Variants in NRG3 observed in about 807,000 individuals in gnomAD.
The protein encoded by NRG3 is pro-neuregulin-3, membrane-bound isoform.
In NRG3, 31 loss-of-function variants were observed where a neutral mutation model predicts 66.9. The observed-to-expected ratio is 0.46, with a 90% CI of 0.35 to 0.63. The LOEUF (loss-of-function observed/expected upper bound fraction) is 0.63. NRG3 is among the 20% of genes least tolerant of loss of function. NRG3 has a pLI of 0.00. For missense variants in NRG3, 910 were observed against 878.9 expected (o/e 1.04, Z -0.45); for synonymous variants, 393 against 359.4 (o/e 1.09, Z -1.06).
intron 7 of NRG3, among the ~76,000 whole-genome samples, chr10:82,975,085 T>C (rs913868786): frequency 6.6e-6 from 1 of 152,256 alleles, no homozygotes; most frequent in African/African-American, 2.4e-5. Flanking sequence ...GCTTTAGCTA[T>C]TCTTACTGCA....
Position 82,346,062 on chromosome 10 carries a change from C to T in NRG3, c.824-12677C>T, listed in dbSNP as rs201998037. On this transcript the variant is annotated intron_variant, in intron 1 of 8. Coordinates refer to ENST00000372141, the MANE Select transcript of NRG3 (RefSeq NM_001010848.4). Reference sequence around the variant, plus strand: ...CTAATTGAATACCCTTTATTTCCTTCTCCTGCCTAATTGCCCTGGCCAGAA... The same window carrying T: ...CTAATTGAATACCCTTTATTTCCTTTTCCTGCCTAATTGCCCTGGCCAGAA... 0.023 allele frequency among the ~76,000 whole-genome samples: 3,404 copies of T among 150,608 alleles called. 175 individuals are homozygous for T. In the East Asian group the frequency reaches 0.23, roughly 10 times the overall value.
At chr10:82,592,870 G>A (rs975469968) in intron 2 of NRG3, among the ~76,000 whole-genome samples, 4 of 152,210 alleles carry the variant, frequency 2.6e-5, no homozygotes, top group Non-Finnish European at 5.9e-5. Flanking sequence ...AGTGTTCTGT[G>A]TTGTCCTCCA....
intron 5 of NRG3, among the ~76,000 whole-genome samples, chr10:82,953,042 C>G (rs1356354401): frequency 6.6e-6 from 1 of 151,816 alleles, no homozygotes; most frequent in East Asian, 1.9e-4. Context: ...TAACTAAAGT[C>G]TGTATTTTCA....
In NRG3 at chr10:82,402,337, A is replaced by C. The variant is rs75590226; in HGVS notation, c.953+43469A>C. Among the ~76,000 whole-genome samples, 41 of 152,298 alleles carry C rather than the reference A, an allele frequency of 2.7e-4. 1 individual carries two copies. In the East Asian group the frequency reaches 7.7e-3, roughly 29 times the overall value. Reference sequence around the variant, plus strand: ...CCTTCTGAAATTTCAGGCCAAGAAGAAAATAAAGTCATGTCTATAGCTGTG... The same window carrying C: ...CCTTCTGAAATTTCAGGCCAAGAAGCAAATAAAGTCATGTCTATAGCTGTG... On this transcript the variant is annotated intron_variant, in intron 2 of 8. Transcript: ENST00000372141.
chr10:82,726,705 C>T (rs1389678411), intron 2 of NRG3, among the ~76,000 whole-genome samples: 2 of 150,434 alleles, frequency 1.3e-5, no homozygotes, highest in African/African-American at 2.5e-5. Context: ...TAGAGCGGGA[C>T]CCTGCTGAAA....
chr10:82,402,788 T>C (rs995807062), intron 2 of NRG3, among the ~76,000 whole-genome samples: 2 of 152,166 alleles, frequency 1.3e-5, no homozygotes, highest in Non-Finnish European at 2.9e-5. Flanking sequence ...GTGTACCTGC[T>C]GGTAAAGACA....
chr10:82,795,238 A>T (rs1470035829), intron 3 of NRG3, among the ~76,000 whole-genome samples: 1 of 152,224 alleles, frequency 6.6e-6, no homozygotes, highest in Non-Finnish European at 1.5e-5. Context: ...AAAAAGTTAC[A>T]CATGTAATGT....
chr10:82,013,247 A>T (rs973829392), intron 1 of NRG3, among the ~76,000 whole-genome samples: 4 of 152,126 alleles, frequency 2.6e-5, no homozygotes, highest in African/African-American at 9.7e-5. Context: ...CTCATTTATA[A>T]AACCATCAGA....
chr10:82,099,296 CTTTT>C (rs1219417994), intron 1 of NRG3, among the ~76,000 whole-genome samples: 1 of 152,092 alleles, frequency 6.6e-6, no homozygotes, highest in African/African-American at 2.4e-5. Context: ...TTAGGATTCA[CTTTT>C]TTGATAACTG....
intron 1 of NRG3, among the ~76,000 whole-genome samples, chr10:82,315,305 A>G (rs1372009705): frequency 6.6e-6 from 1 of 152,184 alleles, no homozygotes; most frequent in Admixed American, 6.5e-5. Context: ...CCTGAGGCAC[A>G]CTGTTCTCAT....
intron 1 of NRG3, among the ~76,000 whole-genome samples, chr10:82,166,069 C>T (rs1381893253): frequency 2.0e-5 from 3 of 152,012 alleles, no homozygotes; most frequent in African/African-American, 7.2e-5. Flanking sequence ...GTTGCCCAGA[C>T]TGGAGTGCAA....
intron 1 of NRG3, among the ~76,000 whole-genome samples, chr10:81,938,557 C>T (rs1333979692): frequency 1.3e-5 from 2 of 150,340 alleles, no homozygotes; most frequent in African/African-American, 4.9e-5. Context: ...GAAACACAGA[C>T]AATTTTTTAA....
intron 2 of NRG3, among the ~76,000 whole-genome samples, chr10:82,445,147 T>G (rs2090646458): frequency 1.3e-5 from 2 of 152,264 alleles, no homozygotes; most frequent in South Asian, 4.1e-4. Flanking sequence ...CAGTTTTTTT[T>G]TTTTTGTACC....
intron 1 of NRG3, among the ~76,000 whole-genome samples, chr10:82,017,158 C>G (rs1418913459): frequency 6.6e-6 from 1 of 152,106 alleles, no homozygotes; most frequent in African/African-American, 2.4e-5. Context: ...TTGTTCAATT[C>G]CCACCTGTGA....
intron 1 of NRG3, among the ~76,000 whole-genome samples, chr10:81,941,446 C>T (rs184841294): frequency 1.1e-3 from 167 of 152,160 alleles, no homozygotes; most frequent in African/African-American, 3.4e-3. Flanking sequence ...CTAATTTCTA[C>T]GTGTGCATCT....
chr10:82,466,928 A>C (rs553585678), intron 2 of NRG3, among the ~76,000 whole-genome samples: 1 of 151,714 alleles, frequency 6.6e-6, no homozygotes, highest in Non-Finnish European at 1.5e-5. Context: ...AAAAAAAAAA[A>C]CAAAACATAT....
intron 4 of NRG3, among the ~76,000 whole-genome samples, chr10:82,902,721 A>G (rs80069300): frequency 0.022 from 3,413 of 152,194 alleles, 140 homozygotes; most frequent in African/African-American, 0.078. Flanking sequence ...GTGTATATAC[A>G]TATCTGTATA....
chr10:82,556,667 G>A (rs188654311), intron 2 of NRG3, among the ~76,000 whole-genome samples: 1 of 152,132 alleles, frequency 6.6e-6, no homozygotes, highest in African/African-American at 2.4e-5. Context: ...AGGTTCAGGG[G>A]TACATGTGAT....
intron 2 of NRG3, among the ~76,000 whole-genome samples, chr10:82,505,872 C>G (rs2132395034): frequency 6.6e-6 from 1 of 152,288 alleles, no homozygotes; most frequent in African/African-American, 2.4e-5. Flanking sequence ...TATACTATCT[C>G]CTAACAATTG....
Sources: gnomAD v4.1 joint callset for allele counts (sites outside exome capture counted in the v4.1 genomes callset) on GRCh38, gnomAD v4.1.1 for gene constraint, MANE v1.5 for transcripts, NCBI Gene and HGNC (gene_info 2026-07-23, HGNC 2026-07-21) for gene names.